CPQ: variants seen among roughly 807,000 people sequenced by gnomAD.
CPQ encodes Ser-Met dipeptidase.
In CPQ, 37 loss-of-function variants were observed where a neutral mutation model predicts 45.7. That is an observed-to-expected ratio of 0.81 (90% CI 0.62 to 1.07). The LOEUF is 1.07. Among genes scored for constraint, CPQ ranks in the 50% least tolerant of loss-of-function variants. CPQ has a pLI of 0.00. For missense variants in CPQ, 537 were observed against 572.9 expected, an observed-to-expected ratio of 0.94 and a Z score of 0.64; for synonymous variants, 186 against 205.8, an observed-to-expected ratio of 0.90 and a Z score of 0.82.
At chr8:97,133,419 C>T (rs1811994557) in intron 7 of CPQ, 1 of 152,100 alleles carries the variant, frequency 6.6e-6, no homozygotes, top group South Asian at 2.1e-4. Flanking sequence ...AGTCACTTAA[C>T]ATTTGCAAGA....
In CPQ at chr8:96,807,076, G is replaced by A. The variant is rs566900145; in HGVS notation, c.433+21746G>A. Among the ~76,000 whole-genome samples the A allele has an allele frequency of 1.6e-4, 24 of 152,224 alleles. No individual in the cohort carries two copies. In the South Asian group the frequency reaches 2.5e-3, roughly 16 times the overall value. On this transcript the variant is annotated intron_variant, in intron 2 of 7. Transcript: ENST00000220763. ...ATTCTCTATTTGTTATCTGATTAAC[G>A]TATTTCACCATTTTCTTAAATGGGG...
chr8:96,996,644 T>C (rs1809183483), intron 5 of CPQ, among the ~76,000 whole-genome samples: 1 of 152,092 alleles, frequency 6.6e-6, no homozygotes, highest in African/African-American at 2.4e-5. Flanking sequence ...TGAATATTGT[T>C]CTTAATTTTT....
intron 5 of CPQ, among the ~76,000 whole-genome samples, chr8:96,996,936 G>C (rs1181410976): frequency 6.6e-6 from 1 of 151,966 alleles, no homozygotes; most frequent in African/African-American, 2.4e-5. Flanking sequence ...GTTCTACCAG[G>C]AGGAGCCAGT....
At chr8:96,809,695 A>G (rs1811134300) in intron 2 of CPQ, among the ~76,000 whole-genome samples, 1 of 152,126 alleles carries the variant, frequency 6.6e-6, no homozygotes, top group African/African-American at 2.4e-5. Context: ...ATTTGTCAAA[A>G]TCTATGGAAT....
chr8:97,138,293 A>AT, intron 7 of CPQ, among the ~76,000 whole-genome samples: 1 of 152,258 alleles, frequency 6.6e-6, no homozygotes, highest in African/African-American at 2.4e-5. Flanking sequence ...ACCTGTGCCT[A>AT]TATCTGTCTG....
At chr8:96,910,967 T>TA (rs1463271274) in intron 4 of CPQ, among the ~76,000 whole-genome samples, 1 of 151,946 alleles carries the variant, frequency 6.6e-6, no homozygotes, top group Non-Finnish European at 1.5e-5. Context: ...CTCTTACTGT[T>TA]ACACCAGTAC....
At chr8:96,747,479 A>T (rs1196115861) in intron 1 of CPQ, among the ~76,000 whole-genome samples, 2 of 151,988 alleles carry the variant, frequency 1.3e-5, no homozygotes, top group East Asian at 1.9e-4. Context: ...CCTGAGAAAA[A>T]TTTTTGCTTT....
At chr8:97,020,200 A>G (rs967615105) in intron 5 of CPQ, among the ~76,000 whole-genome samples, 23 of 152,146 alleles carry the variant, frequency 1.5e-4, no homozygotes, top group Admixed American at 9.8e-4. Flanking sequence ...GACATAACCT[A>G]TCAAAACCTC....
At chr8:96,725,347 A>G (rs998287167) in intron 1 of CPQ, among the ~76,000 whole-genome samples, 3 of 152,218 alleles carry the variant, frequency 2.0e-5, no homozygotes, top group Non-Finnish European at 4.4e-5. Flanking sequence ...ACAAAAGTCT[A>G]ATATCCAGAC....
intron 5 of CPQ, among the ~76,000 whole-genome samples, chr8:97,012,646 C>T (rs1809509840): frequency 6.6e-6 from 1 of 152,082 alleles, no homozygotes; most frequent in Admixed American, 6.6e-5. Context: ...CAATATTCCC[C>T]TGAGGTTTTA....
intron 4 of CPQ, among the ~76,000 whole-genome samples, chr8:96,925,469 G>A (rs1256457108): frequency 2.0e-5 from 3 of 149,150 alleles, no homozygotes; most frequent in South Asian, 2.1e-4. Context: ...CTGCAACCCC[G>A]TCTCCTAGGC....
intron 1 of CPQ, among the ~76,000 whole-genome samples, chr8:96,660,832 G>T (rs1815693049): frequency 6.6e-6 from 1 of 151,958 alleles, no homozygotes; most frequent in Non-Finnish European, 1.5e-5. Context: ...AGCCTTCTAG[G>T]CTGATCTGAA....
intron 7 of CPQ, among the ~76,000 whole-genome samples, chr8:97,106,703 A>G (rs747956222): frequency 1.9e-4 from 29 of 152,292 alleles, no homozygotes; most frequent in Admixed American, 5.9e-4. Context: ...TTGAGAATCA[A>G]TAGCAGGAGA....
At chr8:97,040,795 GAT>G (rs1280230239) in intron 6 of CPQ, among the ~76,000 whole-genome samples, 1 of 152,168 alleles carries the variant, frequency 6.6e-6, no homozygotes, top group African/African-American at 2.4e-5. Context: ...GATAGTTGAA[GAT>G]ACGTGGCATT....
chr8:96,905,130 G>C (rs1023219870), intron 4 of CPQ, among the ~76,000 whole-genome samples: 1 of 152,072 alleles, frequency 6.6e-6, no homozygotes, highest in Non-Finnish European at 1.5e-5. Context: ...AAGGCCAAGG[G>C]GAAGCAAGGC....
intron 4 of CPQ, among the ~76,000 whole-genome samples, chr8:96,928,332 CATT>C (rs1202012632): frequency 6.6e-6 from 1 of 150,902 alleles, no homozygotes; most frequent in Non-Finnish European, 1.5e-5. Context: ...TCAGGAAATT[CATT>C]ATTAAGGGGT....
chr8:97,024,287 G>A (rs1303555852), intron 5 of CPQ, among the ~76,000 whole-genome samples: 2 of 151,926 alleles, frequency 1.3e-5, no homozygotes, highest in Non-Finnish European at 2.9e-5. Flanking sequence ...AAGACACTAG[G>A]GCTTCCCTCC....
Position 96,793,592 on chromosome 8 carries a change from A to G in CPQ, c.433+8262A>G, listed in dbSNP as rs1015577604. On this transcript the variant is annotated intron_variant, in intron 2 of 7. Coordinates refer to ENST00000220763, the MANE Select transcript of CPQ (RefSeq NM_016134.4). Reference sequence around the variant, plus strand: ...TTCTGACTTGGCCCCTCCAAAATCTATGTCCTCACATTTCAAAACCAATCA... The same window carrying G: ...TTCTGACTTGGCCCCTCCAAAATCTGTGTCCTCACATTTCAAAACCAATCA... 5.9e-5 allele frequency among the ~76,000 whole-genome samples: 9 copies of G among 152,330 alleles called. No homozygotes were observed. In the South Asian group the frequency reaches 6.2e-4, roughly 11 times the overall value.
rs71267281 is a variant in CPQ at position 96,787,525 on chromosome 8, C to CTTTTTTTTTTTTTTT, written c.433+2211_433+2225dup. ...TTGTAGTTTCATTTTCTTATAATGTCTTTTTTTTTTTTTTTTTTTTTTTTT... is the reference window on the plus strand; with the variant it reads ...TTGTAGTTTCATTTTCTTATAATGTCTTTTTTTTTTTTTTTTTTTTTTTTTTTTTTTTTTTTTTTT... On this transcript the variant is annotated intron_variant, in intron 2 of 7. Transcript: ENST00000220763. Among the ~76,000 whole-genome samples, 318 of 47,580 alleles carry CTTTTTTTTTTTTTTT rather than the reference C, an allele frequency of 6.7e-3. 90 individuals are homozygous for CTTTTTTTTTTTTTTT. The highest frequency in any genetic ancestry group is 0.011 in the East Asian group (10 of 894). The allele number at this position is 47,580 out of a possible 152,430, so 31.2% of individuals were successfully genotyped here. A position where few individuals can be genotyped will look rare whatever the true frequency, so the allele number is the denominator to read the frequency against.
Sources: gnomAD v4.1 joint callset for allele counts (sites outside exome capture counted in the v4.1 genomes callset) on GRCh38, gnomAD v4.1.1 for gene constraint, MANE v1.5 for transcripts, NCBI Gene and HGNC (gene_info 2026-07-23, HGNC 2026-07-21) for gene names.